SEMA3E: variants seen among roughly 807,000 people sequenced by gnomAD.
SEMA3E encodes the protein semaphorin 3E, also known as semaphorin-3E.
SEMA3E carries 49 observed loss-of-function variants against 93.6 expected under a neutral mutation model. The observed-to-expected ratio is 0.52, with a 90% CI of 0.42 to 0.66. SEMA3E has a LOEUF of 0.66. SEMA3E is among the 30% of genes least tolerant of loss of function. SEMA3E has a pLI of 0.00. For synonymous variants in SEMA3E, 363 were observed against 330.7 expected (o/e 1.10, Z -1.06); for missense variants, 906 against 964.8 (o/e 0.94, Z 0.81).
At chr7:83,401,654 G>C (rs186784810) in intron 10 of SEMA3E, among the ~76,000 whole-genome samples, 3 of 152,236 alleles carry the variant, frequency 2.0e-5, no homozygotes, top group Admixed American at 2.0e-4. Context: ...GCTAGTGAGA[G>C]AGAGTGATTG....
At chr7:83,523,116 T>C (rs988934634) in intron 1 of SEMA3E, among the ~76,000 whole-genome samples, 2 of 151,756 alleles carry the variant, frequency 1.3e-5, no homozygotes, top group African/African-American at 4.8e-5. Context: ...CTAGAGGGAG[T>C]ATACCAGAGC....
At chr7:83,521,882 T>A (rs986903857) in intron 1 of SEMA3E, among the ~76,000 whole-genome samples, 3 of 152,134 alleles carry the variant, frequency 2.0e-5, no homozygotes, top group East Asian at 3.9e-4. Context: ...CTTTCATATA[T>A]GAATTTTAAG....
chr7:83,409,428 T>G (rs1788393582), intron 5 of SEMA3E, among the ~76,000 whole-genome samples: 1 of 152,066 alleles, frequency 6.6e-6, no homozygotes, highest in South Asian at 2.1e-4. Flanking sequence ...AAGAAACAAA[T>G]GATAACAGCA....
intron 10 of SEMA3E, 72 bp downstream of exon 10, chr7:83,402,560 T>A: frequency 7.2e-7 from 1 of 1,398,558 alleles, no homozygotes; most frequent in South Asian, 1.2e-5. Context: ...CAAAGTCTTA[T>A]GAAACAGTGA....
In SEMA3E at chr7:83,558,876, T is replaced by C. The variant is rs570844651; in HGVS notation, c.116-68602A>G. 7.2e-5 allele frequency among the ~76,000 whole-genome samples: 11 copies of C among 152,144 alleles called. No individual in the cohort carries two copies. In the East Asian group the frequency reaches 1.5e-3, roughly 21 times the overall value. On this transcript the variant is annotated intron_variant, in intron 1 of 16. Transcript: ENST00000643230. Reference sequence around the variant, plus strand: ...AAAGAAATACAATATAAATCAAATATAAGATTTAAATTTGGCTCCCCTTTT... The same window carrying C: ...AAAGAAATACAATATAAATCAAATACAAGATTTAAATTTGGCTCCCCTTTT...
At chr7:83,385,485 T>A in intron 15 of SEMA3E, 52 bp from the exon 16 acceptor site, 1 of 1,582,048 alleles carries the variant, frequency 6.3e-7, no homozygotes. Context: ...TATAGGTAAA[T>A]AAATTTTTCA....
At chr7:83,523,381 AGAGG>A (rs2115695090) in intron 1 of SEMA3E, among the ~76,000 whole-genome samples, 1 of 152,154 alleles carries the variant, frequency 6.6e-6, no homozygotes, top group Non-Finnish European at 1.5e-5. Context: ...CAGGGGATGG[AGAGG>A]GAGGAAGTCA....
At chr7:83,574,245 A>T (rs1254433797) in intron 1 of SEMA3E, among the ~76,000 whole-genome samples, 2 of 152,182 alleles carry the variant, frequency 1.3e-5, no homozygotes, top group African/African-American at 4.8e-5. Flanking sequence ...TGAAGAACAA[A>T]GTGATAGATA....
intron 4 of SEMA3E, among the ~76,000 whole-genome samples, chr7:83,458,931 G>A (rs371528289): frequency 5.2e-5 from 7 of 133,458 alleles, no homozygotes; most frequent in Non-Finnish European, 1.1e-4. Context: ...ATGTATATAT[G>A]TATATATATA....
chr7:83,611,987 C>A (rs1793276095), intron 1 of SEMA3E, among the ~76,000 whole-genome samples: 1 of 152,102 alleles, frequency 6.6e-6, no homozygotes, highest in African/African-American at 2.4e-5. Context: ...CTCCCTGCTC[C>A]CTCCACTGTT....
chr7:83,425,138 C>G (rs1163380134), intron 4 of SEMA3E: 2 of 152,086 alleles, frequency 1.3e-5, no homozygotes, highest in Admixed American at 6.6e-5. Flanking sequence ...ACTTTGACCT[C>G]TATGGGTTAC....
intron 1 of SEMA3E, among the ~76,000 whole-genome samples, chr7:83,598,926 GT>G (rs1395402961): frequency 6.6e-6 from 1 of 152,078 alleles, no homozygotes; most frequent in Non-Finnish European, 1.5e-5. Flanking sequence ...TTAAATGTCA[GT>G]TAAATAAATG....
At chr7:83,414,191 TG>T (rs1788497780) in intron 5 of SEMA3E, among the ~76,000 whole-genome samples, 1 of 142,990 alleles carries the variant, frequency 7.0e-6, no homozygotes, top group Non-Finnish European at 1.5e-5. Flanking sequence ...GCAACACATT[TG>T]CTTATTATGT....
chr7:83,533,546 T>C (rs530820904), intron 1 of SEMA3E, among the ~76,000 whole-genome samples: 3 of 147,060 alleles, frequency 2.0e-5, no homozygotes, highest in Non-Finnish European at 4.4e-5. Context: ...CGTTTCTCAA[T>C]AAAATACGAT....
chr7:83,403,491 T>C (rs1448458207), intron 9 of SEMA3E, among the ~76,000 whole-genome samples: 1 of 151,928 alleles, frequency 6.6e-6, no homozygotes, highest in East Asian at 1.9e-4. Context: ...CTGTGGCAAG[T>C]TTTATTGAAG....
Position 83,469,254 on chromosome 7 carries a change from C to A in SEMA3E, c.325G>T (p.Gly109Ter). The change falls in exon 3 of 17, where the codon GGA (glycine) becomes TGA (stop). Residue 109 changes from glycine to a stop codon, truncating the protein, a stop_gained. Transcript: ENST00000643230. LOFTEE classifies it high-confidence loss of function. ...TGAATCATACTTACCGCATCTTTTC[C>A]CTTCATTATGCATTCTTCCATTTTT... ...ALKMEECIMK[G>*]KDAGECANYV... is the part of the protein sequence containing the mutation. 1 of 1,609,850 alleles carries A rather than the reference C, an allele frequency of 6.2e-7. No individual in the cohort carries two copies. The highest frequency in any genetic ancestry group is 2.2e-5 in the East Asian group (1 of 44,744).
chr7:83,635,490 A>G (rs1251949761), intron 1 of SEMA3E, among the ~76,000 whole-genome samples: 1 of 151,798 alleles, frequency 6.6e-6, no homozygotes, highest in East Asian at 1.9e-4. Flanking sequence ...TCTTAATATG[A>G]CATTTCTATT....
At chr7:83,539,855 CTGTGTG>C (rs59200828) in intron 1 of SEMA3E, among the ~76,000 whole-genome samples, 283 of 122,748 alleles carry the variant, frequency 2.3e-3, no homozygotes, top group African/African-American at 7.5e-3. Context: ...TTTGTTGTTT[CTGTGTG>C]TGTGTGTGTG....
chr7:83,392,628 C>A lies in SEMA3E; in HGVS notation c.1594G>T (p.Ala532Ser). ...YGSACADCCL[A>S]RDPYCAWDGI... ...TCCCAGGCACAGTAAGGGTCTCGAG[C>A]CAGGCAGCAGTCAGCACAAGCACTT... is the stretch of plus-strand genomic sequence containing the variant. Residue 532 changes from alanine to serine, a missense_variant, in exon 14 of 17, where the codon GCT becomes TCT. By Grantham distance (99) the Ala-to-Ser change is moderately conservative. Coordinates refer to ENST00000643230, the MANE Select transcript of SEMA3E (RefSeq NM_012431.3). The A allele has an allele frequency of 1.2e-6, 2 of 1,613,814 alleles. No individual in the cohort carries two copies. The highest frequency in any genetic ancestry group is 1.1e-5 in the South Asian group (1 of 91,078).
Sources: allele counts gnomAD v4.1 joint callset (sites outside exome capture counted in the v4.1 genomes callset), GRCh38; gene constraint gnomAD v4.1.1; transcripts MANE v1.5; gene names NCBI Gene and HGNC (gene_info 2026-07-23, HGNC 2026-07-21).